The following CTNNA2 variants were observed in gnomAD, a reference collection of about 807,000 sequenced individuals.
CTNNA2 encodes the protein catenin alpha 2.
A neutral mutation model predicts 101.0 loss-of-function variants in CTNNA2; 42 were observed. That is an observed-to-expected ratio of 0.42 (90% confidence interval 0.32 to 0.54). CTNNA2 has a LOEUF of 0.54. Among genes scored for constraint, CTNNA2 ranks in the 20% least tolerant of loss-of-function variants. CTNNA2 has a pLI of 0.14. For synonymous variants in CTNNA2, 450 were observed against 456.4 expected, an observed-to-expected ratio of 0.99 and a Z score of 0.18; for missense variants, 871 against 1,223.1, an observed-to-expected ratio of 0.71 and a Z score of 4.29.
At chr2:80,102,521 T>G (rs1187793853) in intron 7 of CTNNA2, among the ~76,000 whole-genome samples, 1 of 152,128 alleles carries the variant, frequency 6.6e-6, no homozygotes, top group Non-Finnish European at 1.5e-5. Context: ...ATTTATGTAT[T>G]TATTTAGAGA....
At chr2:79,638,330 C>G (rs1007831311) in intron 1 of CTNNA2, among the ~76,000 whole-genome samples, 2 of 152,070 alleles carry the variant, frequency 1.3e-5, no homozygotes, top group African/African-American at 4.8e-5. Context: ...AAAATTAAAT[C>G]CCACAGATGA....
At chr2:80,099,800 C>G (rs977117869) in intron 7 of CTNNA2, among the ~76,000 whole-genome samples, 13 of 151,722 alleles carry the variant, frequency 8.6e-5, no homozygotes, top group South Asian at 2.1e-4. Context: ...TGGAGACAAC[C>G]TGCTACAGAT....
chr2:79,994,926 C>A (rs1051971743), intron 7 of CTNNA2, among the ~76,000 whole-genome samples: 1 of 152,148 alleles, frequency 6.6e-6, no homozygotes, highest in African/African-American at 2.4e-5. Context: ...AAATTCAAGC[C>A]ACTGACTGAC....
At chr2:79,547,253 T>A (rs1673795451) in intron 1 of CTNNA2, 1 of 152,216 alleles carries the variant, frequency 6.6e-6, no homozygotes, top group Non-Finnish European at 1.5e-5. Flanking sequence ...ATATGCTTCA[T>A]CTGGTACCTA....
At chr2:79,318,069 A>G (rs1337575475) in intron 3 of CTNNA2, among the ~76,000 whole-genome samples, 4 of 152,104 alleles carry the variant, frequency 2.6e-5, no homozygotes, top group Non-Finnish European at 5.9e-5. Flanking sequence ...TTATTTGTCT[A>G]TATAGGGACT....
In CTNNA2 at chr2:80,099,010, G is replaced by T. The variant is rs1700364296; in HGVS notation, c.1056+189213G>T. On this transcript the variant is annotated intron_variant, in intron 7 of 18. Coordinates refer to ENST00000402739, the MANE Select transcript of CTNNA2 (RefSeq NM_001282597.3). ...TCACGCACGGTGCATTGCACCCACT[G>T]TCCTGCACCCACTGTCCGGCACTCC... Among the ~76,000 whole-genome samples the T allele has an allele frequency of 4.0e-5, 6 of 151,870 alleles. No homozygotes were observed. In the South Asian group the frequency reaches 1.0e-3, roughly 26 times the overall value.
At chr2:80,611,452 A>G (rs1261014491) in intron 17 of CTNNA2, among the ~76,000 whole-genome samples, 3 of 151,648 alleles carry the variant, frequency 2.0e-5, no homozygotes, top group African/African-American at 7.3e-5. Flanking sequence ...ATCTTATGGG[A>G]GAAAAGTTAA....
At chr2:80,115,767 T>C (rs556279661) in intron 7 of CTNNA2, among the ~76,000 whole-genome samples, 10 of 152,098 alleles carry the variant, frequency 6.6e-5, no homozygotes, top group South Asian at 2.1e-4. Flanking sequence ...GTTCTGGGAA[T>C]GGAAAATAGT....
chr2:79,505,368 T>C (rs1351805895), intron 5 of CTNNA2, among the ~76,000 whole-genome samples: 2 of 152,228 alleles, frequency 1.3e-5, no homozygotes, highest in South Asian at 4.1e-4. Context: ...TTTTTCTTCC[T>C]GGGCTTGGAC....
At chr2:79,793,722 G>A (rs1675464895) in intron 3 of CTNNA2, among the ~76,000 whole-genome samples, 1 of 152,158 alleles carries the variant, frequency 6.6e-6, no homozygotes, top group South Asian at 2.1e-4. Context: ...GCATCTTAAA[G>A]TAAATCTTAG....
chr2:79,298,145 A>G (rs572678039), intron 2 of CTNNA2, among the ~76,000 whole-genome samples: 2 of 152,304 alleles, frequency 1.3e-5, no homozygotes, highest in Non-Finnish European at 2.9e-5. Context: ...CTTCATAGGC[A>G]TGGCATGGGC....
intron 7 of CTNNA2, among the ~76,000 whole-genome samples, chr2:80,308,993 G>A (rs1297686858): frequency 6.6e-6 from 1 of 152,086 alleles, no homozygotes; most frequent in Non-Finnish European, 1.5e-5. Flanking sequence ...GGAGGCTGAG[G>A]CAGGAGAATC....
intron 2 of CTNNA2, among the ~76,000 whole-genome samples, chr2:79,664,789 G>A (rs1425399665): frequency 7.4e-6 from 1 of 135,452 alleles, no homozygotes; most frequent in Non-Finnish European, 1.5e-5. Flanking sequence ...TCGGCTCACT[G>A]CAAACTCCGC....
chr2:79,294,493 G>A (rs1316640442), intron 2 of CTNNA2, among the ~76,000 whole-genome samples: 2 of 152,050 alleles, frequency 1.3e-5, no homozygotes, highest in African/African-American at 2.4e-5. Flanking sequence ...CAAGTATCTA[G>A]CACAGCTTCA....
intron 7 of CTNNA2, among the ~76,000 whole-genome samples, chr2:80,163,807 A>G (rs180830838): frequency 2.0e-5 from 3 of 152,184 alleles, no homozygotes; most frequent in African/African-American, 7.2e-5. Context: ...TTTTTAATAC[A>G]TACATATTTA....
At chr2:79,312,688 A>T (rs1198095468) in intron 2 of CTNNA2, 1 of 152,172 alleles carries the variant, frequency 6.6e-6, no homozygotes, top group Non-Finnish European at 1.5e-5. Context: ...CTTAAATAAT[A>T]CTCTTGACCT....
At chr2:80,626,959 C>T (rs529144355) in intron 18 of CTNNA2, among the ~76,000 whole-genome samples, 13 of 151,838 alleles carry the variant, frequency 8.6e-5, no homozygotes, top group South Asian at 4.2e-4. Context: ...TGAGAATGTG[C>T]GGTGTTTGGT....
chr2:80,301,839 C>T (rs1014415829), intron 7 of CTNNA2: 2 of 154,736 alleles, frequency 1.3e-5, no homozygotes, highest in African/African-American at 4.9e-5. Context: ...TTTCTTGTAA[C>T]ACAGGTAACA....
chr2:80,376,411 C>A (rs1675954760), intron 7 of CTNNA2, among the ~76,000 whole-genome samples: 1 of 146,180 alleles, frequency 6.8e-6, no homozygotes, highest in African/African-American at 2.6e-5. Context: ...GACATGCCAG[C>A]AAACTAGAGA....
Sources: gnomAD v4.1 joint callset for allele counts (sites outside exome capture counted in the v4.1 genomes callset) on GRCh38, gnomAD v4.1.1 for gene constraint, MANE v1.5 for transcripts, NCBI Gene and HGNC (gene_info 2026-07-23, HGNC 2026-07-21) for gene names.